FBXL5: variants seen among roughly 807,000 people sequenced by gnomAD.
The protein encoded by FBXL5 is F-box and leucine rich repeat protein 5.
Under a neutral mutation model 78.3 loss-of-function variants are expected in FBXL5, and 26 were observed. That is an observed-to-expected ratio of 0.33 (90% CI 0.24 to 0.46). FBXL5 has a LOEUF of 0.46. Among genes scored for constraint, FBXL5 ranks in the 20% least tolerant of loss-of-function variants. The pLI, the probability that FBXL5 is intolerant of heterozygous loss-of-function variation, is 1.00. For synonymous variants in FBXL5, 295 were observed against 282.5 expected, an observed-to-expected ratio of 1.04 and a Z score of -0.45; for missense variants, 710 against 829.2, an observed-to-expected ratio of 0.86 and a Z score of 1.77.
chr4:15,613,783 T>C (rs1452966693), intron 9 of FBXL5, among the ~76,000 whole-genome samples: 2 of 152,140 alleles, frequency 1.3e-5, no homozygotes, highest in Non-Finnish European at 2.9e-5. Context: ...GAAGCTGAGA[T>C]TGTTTTTTAT....
At position 15,673,831 on chromosome 4, in the gene FBXL5, G is replaced by A. The variant is rs1283328478; in HGVS notation, c.-284+7552C>T. On this transcript the variant is annotated intron_variant, in intron 1 of 4. Coordinates refer to the FBXL5 transcript ENST00000507899. ...TCTATCAACAGAGGGATTCCACTAG[G>A]CTGCATATGTTCCCCTCTCCCTGTA... Among the ~76,000 whole-genome samples the A allele has an allele frequency of 3.7e-4, 56 of 152,238 alleles. 1 individual carries two copies. The highest frequency in any genetic ancestry group is 3.2e-4 in the Non-Finnish European group (22 of 68,020).
At chr4:15,623,177 G>C (rs1257544284) in intron 9 of FBXL5, among the ~76,000 whole-genome samples, 1 of 152,076 alleles carries the variant, frequency 6.6e-6, no homozygotes, top group Non-Finnish European at 1.5e-5. Flanking sequence ...TTTAAATAAA[G>C]TGTGCTCCCT....
In FBXL5 at chr4:15,617,969, T is replaced by G. The variant is rs141779058; in HGVS notation, c.1851-5555A>C. On this transcript the variant is annotated intron_variant, in intron 9 of 10. Coordinates refer to ENST00000341285, the MANE Select transcript of FBXL5 (RefSeq NM_012161.4). ...CACACAGATACCCTGAACTTAAAAG[T>G]TGGAAGTTAAAAGAAAAAAAAGGAA... Among the ~76,000 whole-genome samples, 841 of 151,894 alleles carry G rather than the reference T, an allele frequency of 5.5e-3. 7 individuals are homozygous for G. The highest frequency in any genetic ancestry group is 0.02 in the African/African-American group (807 of 41,384).
At chr4:15,667,223 A>G (rs1192349874) in intron 1 of FBXL5, among the ~76,000 whole-genome samples, 1 of 152,218 alleles carries the variant, frequency 6.6e-6, no homozygotes, top group Non-Finnish European at 1.5e-5. Context: ...CCACATGATC[A>G]CGGGCAACCT....
intron 8 of FBXL5, 31 bp from the exon 9 acceptor site, chr4:15,626,008 T>C (rs1303042152): frequency 6.6e-7 from 1 of 1,511,328 alleles, no homozygotes; most frequent in South Asian, 1.4e-5. Context: ...TATTAATGAA[T>C]ATTGTTAAAT....
intron 9 of FBXL5, among the ~76,000 whole-genome samples, chr4:15,617,684 A>ATCCTTAGCAAACTGGTAAACCG (rs1275813856): frequency 2.0e-5 from 3 of 152,242 alleles, no homozygotes; most frequent in African/African-American, 7.2e-5. Flanking sequence ...CTGGTAAACC[A>ATCCTTAGCAAACTGGTAAACCG]TCCTTAGCAA....
At chr4:15,641,583 G>T (rs1489947915) in intron 2 of FBXL5, 1 of 456,968 alleles carries the variant, frequency 2.2e-6, no homozygotes, top group African/African-American at 1.9e-5. Flanking sequence ...ATTGTTATTC[G>T]ATTGTTTTAT....
At chr4:15,656,884 AGTTGCCTAGG>A (rs532279885), upstream of FBXL5, among the ~76,000 whole-genome samples, 197 of 152,152 alleles carry the variant, frequency 1.3e-3, no homozygotes, top group African/African-American at 4.5e-3. Flanking sequence ...ACATTCTAGT[AGTTGCCTAGG>A]GTCCCACAAA....
At chr4:15,655,390 C>T, upstream of FBXL5, 1 of 1,043,822 alleles carries the variant, frequency 9.6e-7, no homozygotes, top group Non-Finnish European at 1.2e-6. Context: ...CATGCGCCCG[C>T]CCCGTCGGCG....
intron 5 of FBXL5, 51 bp from the exon 6 acceptor site, chr4:15,630,842 G>A (rs1286607809): frequency 1.2e-6 from 2 of 1,600,436 alleles, no homozygotes; most frequent in South Asian, 2.3e-5. Flanking sequence ...CAGATTGCCT[G>A]CAATTATGAA....
chr4:15,663,863 G>A (rs1283243315), upstream of FBXL5, among the ~76,000 whole-genome samples: 5 of 152,092 alleles, frequency 3.3e-5, no homozygotes, highest in African/African-American at 1.2e-4. Flanking sequence ...TTTCATCACT[G>A]TTCATTGACT....
In FBXL5 at chr4:15,627,869, GTTAAT is replaced by G. The variant is rs1026693250; in HGVS notation, c.1041+11_1041+15del. On this transcript the variant is annotated intron_variant, in intron 7 of 10. Transcript: ENST00000341285. ...TGTTTTTCTTAATACCCAAACTAGT[GTTAAT>G]TTAAACATACCATTTTGCTGGAAAC... 134 of 1,588,680 alleles carry G rather than the reference GTTAAT, an allele frequency of 8.4e-5. No individual in the cohort carries two copies. The highest frequency in any genetic ancestry group is 1.1e-4 in the Non-Finnish European group (124 of 1,172,240).
chr4:15,630,365 T>C (rs1159706109), intron 6 of FBXL5, among the ~76,000 whole-genome samples: 6 of 150,664 alleles, frequency 4.0e-5, no homozygotes, highest in Non-Finnish European at 8.9e-5. Context: ...GGTGCTAAAA[T>C]CACATTGTAA....
intron 10 of FBXL5, among the ~76,000 whole-genome samples, chr4:15,607,850 A>AT (rs1001568689): frequency 5.9e-5 from 9 of 152,120 alleles, no homozygotes; most frequent in Non-Finnish European, 1.0e-4. Flanking sequence ...TCCATTCTAA[A>AT]TTTTTTTAAA....
chr4:15,632,731 C>T (rs1199889941), intron 5 of FBXL5, among the ~76,000 whole-genome samples: 2 of 152,146 alleles, frequency 1.3e-5, no homozygotes, highest in Non-Finnish European at 2.9e-5. Flanking sequence ...TATAAGAATG[C>T]TTGTGATTTT....
chr4:15,658,642 A>T (rs148832049), upstream of FBXL5, among the ~76,000 whole-genome samples: 521 of 152,306 alleles, frequency 3.4e-3, 2 homozygotes, highest in East Asian at 0.019. Flanking sequence ...CCCTCATCAG[A>T]TGCAGCCCCT....
upstream of FBXL5, chr4:15,655,456 T>A (rs760214624): frequency 1.2e-5 from 11 of 903,982 alleles, no homozygotes; most frequent in South Asian, 5.2e-5. Flanking sequence ...GCCGCCGCCA[T>A]GCGATCCCTG....
chr4:15,651,516 A>G (rs1451553516), intron 1 of FBXL5, among the ~76,000 whole-genome samples: 1 of 152,124 alleles, frequency 6.6e-6, no homozygotes, highest in African/African-American at 2.4e-5. Context: ...TCAATTCAAT[A>G]TTTTCTCCAC....
intron 9 of FBXL5, among the ~76,000 whole-genome samples, chr4:15,623,877 C>T (rs931689751): frequency 6.6e-6 from 1 of 151,224 alleles, no homozygotes; most frequent in Non-Finnish European, 1.5e-5. Context: ...GGTTGGAGTG[C>T]AGCAGCATGA....
Sources: gnomAD v4.1 joint callset for allele counts (sites outside exome capture counted in the v4.1 genomes callset) on GRCh38, gnomAD v4.1.1 for gene constraint, MANE v1.5 for transcripts, NCBI Gene and HGNC (gene_info 2026-07-23, HGNC 2026-07-21) for gene names.